DNAH8: variants seen among roughly 807,000 people sequenced by gnomAD.
DNAH8 encodes dynein axonemal heavy chain 8, also known as axonemal beta dynein heavy chain 8.
A neutral mutation model predicts 562.1 loss-of-function variants in DNAH8; 382 were observed. The ratio of observed to expected loss-of-function variants is 0.68; its 90% CI spans 0.63 to 0.74. The LOEUF is 0.74. Ranked by LOEUF, DNAH8 falls within the 30% of genes least tolerant of loss-of-function variation. The pLI is 0.00. For synonymous variants in DNAH8, 1,881 were observed against 1,919.4 expected, an observed-to-expected ratio of 0.98 and a Z score of 0.52; for missense variants, 5,203 against 5,620.4, an observed-to-expected ratio of 0.93 and a Z score of 2.37.
At chr6:38,925,783 T>G (rs1169584095) in intron 73 of DNAH8, among the ~76,000 whole-genome samples, 2 of 152,178 alleles carry the variant, frequency 1.3e-5, no homozygotes, top group Non-Finnish European at 2.9e-5. Flanking sequence ...CTTGCTATGA[T>G]TCCCCTAAGT....
At chr6:38,813,648 A>G (rs1456482031) in intron 24 of DNAH8, among the ~76,000 whole-genome samples, 10 of 152,142 alleles carry the variant, frequency 6.6e-5, no homozygotes, top group Non-Finnish European at 1.3e-4. Flanking sequence ...TTGTTTAACA[A>G]CGCGGTTTTT....
chr6:38,984,470 GCACACA>G lies in DNAH8; in HGVS notation c.13053+184_13053+189del, dbSNP rs34819199. Reference sequence around the variant, plus strand: ...TGCGCTTACACACACGCACACACATGCACACACACACACACACACACACACAACAAC... The same window carrying G: ...TGCGCTTACACACACGCACACACATGCACACACACACACACACACAACAAC... On this transcript the variant is annotated intron_variant, in intron 87 of 92. Coordinates refer to ENST00000327475, the MANE Select transcript of DNAH8 (RefSeq NM_001206927.2). 9.1e-3 allele frequency: 4,549 copies of G among 500,152 alleles called. 2 individuals are homozygous for G. The highest frequency in any genetic ancestry group is 0.012 in the Non-Finnish European group (3,433 of 275,174). The allele number at this position is 500,152 out of a possible 1,614,324, so 31.0% of individuals were successfully genotyped here.
chr6:38,976,244 C>T (rs1426162976), intron 85 of DNAH8, among the ~76,000 whole-genome samples: 1 of 152,214 alleles, frequency 6.6e-6, no homozygotes, highest in Non-Finnish European at 1.5e-5. Context: ...TCTCTCAGGG[C>T]TTCTGTTTCC....
chr6:38,997,158 C>A lies in DNAH8; in HGVS notation c.13214+6986C>A, dbSNP rs1006900597. Among the ~76,000 whole-genome samples the A allele has an allele frequency of 5.3e-5, 8 of 152,284 alleles. No individual in the cohort carries two copies. The South Asian group carries it at 1.7e-3, about 32-fold the overall frequency. On this transcript the variant is annotated intron_variant, in intron 88 of 92. Transcript: ENST00000327475. ...TGCTCAGGTGGTTGGCTCTGTTCTGCAGCTCTGTGTTTGGTAATTTTTTTG... is the reference window on the plus strand; with the variant it reads ...TGCTCAGGTGGTTGGCTCTGTTCTGAAGCTCTGTGTTTGGTAATTTTTTTG...
At chr6:38,820,131 GGTGTT>G (rs1199331010) in intron 26 of DNAH8, among the ~76,000 whole-genome samples, 11 of 152,150 alleles carry the variant, frequency 7.2e-5, no homozygotes, top group African/African-American at 2.4e-4. Flanking sequence ...GAGAAAAATT[GGTGTT>G]GAAGAAAAGC....
chr6:38,745,549 T>C (rs905902582), intron 8 of DNAH8, among the ~76,000 whole-genome samples: 1 of 152,190 alleles, frequency 6.6e-6, no homozygotes, highest in African/African-American at 2.4e-5. Flanking sequence ...CTTAAAACTA[T>C]TGTACAATGA....
At chr6:38,776,247 T>A (rs1456893208) in intron 13 of DNAH8, among the ~76,000 whole-genome samples, 1 of 149,454 alleles carries the variant, frequency 6.7e-6, no homozygotes, top group Non-Finnish European at 1.5e-5. Flanking sequence ...AGATGGAGTC[T>A]CACTCCATTG....
intron 17 of DNAH8, among the ~76,000 whole-genome samples, chr6:38,785,363 C>A (rs911933145): frequency 1.3e-5 from 2 of 152,060 alleles, no homozygotes; most frequent in African/African-American, 4.8e-5. Context: ...CTTGTCTTGT[C>A]CTGGAGCAGA....
Position 38,973,776 on chromosome 6 carries a change from C to T in DNAH8, c.12641C>T (p.Thr4214Met), listed in dbSNP as rs750394180. The change falls in exon 84 of 93, where the codon ACG (threonine) becomes ATG (methionine). Residue 4214 changes from threonine (T) to methionine (M), a missense_variant. Thr to Met is a moderately conservative substitution (Grantham distance 81, BLOSUM62 -1). This residue lies in a region of DNAH8 where 1,399 missense variants were observed against 1,518.4 expected (regional missense o/e 0.92). Coordinates refer to ENST00000327475, the MANE Select transcript of DNAH8 (RefSeq NM_001206927.2). The stretch of plus-strand genomic sequence containing the variant: ...GATTCTTTCCGAGTATGGATAACTA[C>T]GGAGCCCCATGATCGATTTCCAATT... ...SDDSFRVWIT[T>M]EPHDRFPITL... The T allele has an allele frequency of 3.7e-5, 59 of 1,609,676 alleles. No individual in the cohort carries two copies. Among genetic ancestry groups the T allele is most frequent in the African/African-American group, 2.1e-4 (16 of 74,606 alleles).
chr6:38,788,164 T>TTG lies in DNAH8; in HGVS notation c.2583+1213_2583+1214insGT, dbSNP rs1554210688. On this transcript the variant is annotated intron_variant, in intron 18 of 92. Transcript: ENST00000327475. Reference sequence around the variant, plus strand: ...ATTTCAGACTTTTCCTGTTTTTTTTTTTGTTGTTGTTGGAGTCTTGCTCTG... The same window carrying TTG: ...ATTTCAGACTTTTCCTGTTTTTTTTTTGTTGTTGTTGTTGGAGTCTTGCTCTG... Among the ~76,000 whole-genome samples the TTG allele has an allele frequency of 2.7e-4, 41 of 151,614 alleles. 2 individuals are homozygous for TTG. Among genetic ancestry groups the TTG allele is most frequent in the African/African-American group, 9.7e-4 (40 of 41,394 alleles).
At chr6:38,736,551 C>G (rs1440139488) in intron 5 of DNAH8, among the ~76,000 whole-genome samples, 1 of 151,982 alleles carries the variant, frequency 6.6e-6, no homozygotes, top group Non-Finnish European at 1.5e-5. Context: ...TGACCCTAGA[C>G]AAGTTTTTTA....
At chr6:38,742,778 C>G (rs1053891109) in intron 8 of DNAH8, among the ~76,000 whole-genome samples, 1 of 141,896 alleles carries the variant, frequency 7.0e-6, no homozygotes, top group Non-Finnish European at 1.6e-5. Context: ...GACAACTGCA[C>G]TTTTCTATTT....
intron 6 of DNAH8, among the ~76,000 whole-genome samples, 184 bp from the exon 7 acceptor site, chr6:38,737,625 T>C (rs1582867076): frequency 1.3e-5 from 2 of 151,310 alleles, no homozygotes; most frequent in Admixed American, 1.3e-4. Flanking sequence ...TTAATTAGAA[T>C]TATATTTCTG....
intron 1 of DNAH8, among the ~76,000 whole-genome samples, chr6:38,721,331 T>C (rs200257454): frequency 6.0e-5 from 9 of 150,492 alleles, no homozygotes; most frequent in South Asian, 2.1e-4. Flanking sequence ...ATAAAAATAA[T>C]AAACAAACAA....
chr6:38,794,664 T>G lies in DNAH8; in HGVS notation c.2901+2990T>G, dbSNP rs77520119. ...TGTAAATGGAATGGTGCAGAATATA[T>G]TCTCTATTTCTGACTTCTTTTGCTC... is the stretch of plus-strand genomic sequence containing the variant. On this transcript the variant is annotated intron_variant, in intron 21 of 92. Transcript: ENST00000327475. Among the ~76,000 whole-genome samples the G allele has an allele frequency of 0.011, 1,627 of 152,332 alleles. 83 individuals are homozygous for G. In the East Asian group the frequency reaches 0.14, roughly 14 times the overall value.
rs769957276 is a variant in DNAH8 at position 38,807,732 on chromosome 6, G to A, written c.3257+16G>A. 9.3e-6 allele frequency: 13 copies of A among 1,395,614 alleles called. No individual in the cohort carries two copies. Among genetic ancestry groups the A allele is most frequent in the African/African-American group, 4.4e-5 (3 of 68,412 alleles). The allele number at this position is 1,395,614 out of a possible 1,614,324, so 86.5% of individuals were successfully genotyped here. A position where few individuals can be genotyped will look rare whatever the true frequency, so the allele number is the denominator to read the frequency against. On this transcript the variant is annotated intron_variant, in intron 24 of 92. Transcript: ENST00000327475. ...TTGTTGCAAGGCAAGTTGAAAATAT[G>A]CTAATTATGTCTGGTAATCATACTT... is the stretch of plus-strand genomic sequence containing the variant.
chr6:38,951,442 A>G lies in DNAH8; in HGVS notation c.12373A>G (p.Thr4125Ala), dbSNP rs376760583. 40 of 1,614,068 alleles carry G rather than the reference A, an allele frequency of 2.5e-5. No homozygotes were observed. The highest frequency in any genetic ancestry group is 3.4e-5 in the Non-Finnish European group (40 of 1,180,054). Reference protein sequence around the residue: ...EKTWEESDTRTPLICFLSMGS... With the variant: ...EKTWEESDTRAPLICFLSMGS... ...AACTTGGGAAGAAAGTGATACCCGGACACCTCTGATATGCTTCCTGTCCAT... is the reference window on the plus strand; with the variant it reads ...AACTTGGGAAGAAAGTGATACCCGGGCACCTCTGATATGCTTCCTGTCCAT... The change falls in exon 82 of 93, where the codon ACA (threonine) becomes GCA (alanine). Residue 4125 changes from threonine (T) to alanine (A), a missense_variant. By Grantham distance (58) the Thr-to-Ala change is moderately conservative. Coordinates refer to ENST00000327475, the MANE Select transcript of DNAH8 (RefSeq NM_001206927.2).
intron 11 of DNAH8, chr6:38,763,150 C>A: frequency 3.2e-6 from 1 of 310,956 alleles, no homozygotes; most frequent in Non-Finnish European, 6.2e-6. Flanking sequence ...ATGTATGACC[C>A]AGTGAAAAGA....
At chr6:39,005,962 AAT>A (rs1323659354) in intron 88 of DNAH8, among the ~76,000 whole-genome samples, 3 of 152,230 alleles carry the variant, frequency 2.0e-5, no homozygotes, top group African/African-American at 7.2e-5. Context: ...TGGCTTTGCA[AAT>A]ATAGAAAGTG....
Sources: gnomAD v4.1 joint callset for allele counts (sites outside exome capture counted in the v4.1 genomes callset) on GRCh38, gnomAD v4.1.1 for gene constraint, gnomAD v4.1.1 regional missense constraint, MANE v1.5 for transcripts, NCBI Gene and HGNC (gene_info 2026-07-23, HGNC 2026-07-21) for gene names.